BCAR3: variants seen among roughly 807,000 people sequenced by gnomAD.
BCAR3 encodes the protein breast cancer anti-estrogen resistance protein 3.
In BCAR3, 37 loss-of-function variants were observed where a neutral mutation model predicts 80.1. The ratio of observed to expected loss-of-function variants is 0.46; its 90% CI spans 0.36 to 0.61. BCAR3 has a LOEUF of 0.61. Among genes scored for constraint, BCAR3 ranks in the 20% least tolerant of loss-of-function variants. BCAR3 has a pLI of 0.00. For synonymous variants in BCAR3, 389 were observed against 418.9 expected (o/e 0.93, Z 0.87); for missense variants, 978 against 1,068.2 (o/e 0.92, Z 1.18).
chr1:93,668,947 G>A (rs981025421), intron 2 of BCAR3, among the ~76,000 whole-genome samples: 3 of 151,974 alleles, frequency 2.0e-5, no homozygotes, highest in African/African-American at 7.3e-5. Context: ...CCTGACCTCA[G>A]GTGATCCACC....
chr1:93,602,440 CAAT>C lies in BCAR3; in HGVS notation c.358-10050_358-10048del, dbSNP rs200599859. On this transcript the variant is annotated intron_variant, in intron 3 of 11. Transcript: ENST00000260502. Reference sequence around the variant, plus strand: ...CTGAGACCTGCATCATCACTGCCCCCAATAATGTTGTAAACATGTAAAGAAACT... The same window carrying C: ...CTGAGACCTGCATCATCACTGCCCCCAATGTTGTAAACATGTAAAGAAACT... 8.1e-3 allele frequency: 1,241 copies of C among 152,280 alleles called. 4 individuals carry two copies. Among genetic ancestry groups the C allele is most frequent in the Non-Finnish European group, 0.012 (812 of 68,040 alleles). The allele number at this position is 152,280 out of a possible 1,614,324, so 9.4% of individuals were successfully genotyped here.
rs111949900 is a variant in BCAR3 at position 93,651,221 on chromosome 1, A to G, written c.318-8878T>C. Among the ~76,000 whole-genome samples the G allele has an allele frequency of 1.1e-3, 165 of 152,298 alleles. 1 individual carries two copies. The highest frequency in any genetic ancestry group is 3.6e-3 in the African/African-American group (149 of 41,564). On this transcript the variant is annotated intron_variant, in intron 2 of 11. Transcript: ENST00000260502. ...ACAGCTTAGGACTTCTGTATGGAAG[A>G]AGGAGCAAATATTCCGTTTAGGCAC...
intron 2 of BCAR3, among the ~76,000 whole-genome samples, chr1:93,774,144 C>T (rs564691448): frequency 5.3e-5 from 8 of 152,232 alleles, no homozygotes; most frequent in Admixed American, 1.3e-4. Context: ...GGAGAAACTA[C>T]GTAAGCCAGC....
At position 93,675,498 on chromosome 1, in the gene BCAR3, G is replaced by A. The variant is rs1648429256; in HGVS notation, c.-11-557C>T. 2.0e-5 allele frequency among the ~76,000 whole-genome samples: 3 copies of A among 152,336 alleles called. No individual in the cohort carries two copies. In the South Asian group the frequency reaches 6.2e-4, roughly 32 times the overall value. ...CACTCTAATTAGTGAACACGGGCTA[G>A]GGTCAGGGTCAGGAGGTGGGCCATT... On this transcript the variant is annotated intron_variant, in intron 1 of 11. Transcript: ENST00000260502.
chr1:93,760,690 C>T (rs756145563), intron 2 of BCAR3, among the ~76,000 whole-genome samples: 2 of 152,150 alleles, frequency 1.3e-5, no homozygotes, highest in Non-Finnish European at 2.9e-5. Flanking sequence ...CAGCTCCACT[C>T]ATGGCCAGGC....
intron 3 of BCAR3, among the ~76,000 whole-genome samples, chr1:93,619,691 C>T (rs1675252243): frequency 6.6e-6 from 1 of 152,194 alleles, no homozygotes; most frequent in Non-Finnish European, 1.5e-5. Context: ...TCTGCGAGGC[C>T]CTCTGGAGGC....
At chr1:93,735,188 G>C (rs1056989490) in intron 2 of BCAR3, among the ~76,000 whole-genome samples, 10 of 152,330 alleles carry the variant, frequency 6.6e-5, no homozygotes, top group Admixed American at 6.5e-4. Context: ...CGGGCCTCTG[G>C]TGCCCCCTCT....
intron 2 of BCAR3, among the ~76,000 whole-genome samples, chr1:93,773,987 T>G (rs746103205): frequency 1.3e-5 from 2 of 152,170 alleles, no homozygotes; most frequent in Non-Finnish European, 2.9e-5. Flanking sequence ...AATGCTGTTA[T>G]TGAAACAACA....
At position 93,582,538 on chromosome 1, in the gene BCAR3, C is replaced by T. The variant is rs775111254; in HGVS notation, c.1449G>A (p.Arg483=). ...VNYLILDDDD[R]ERPWEPAAAQ... Reference sequence around the variant, plus strand: ...CTGCCGCAGGTTCCCAAGGTCTTTCCCTGTCATCATCATCAAGGATCAAGT... The same window carrying T: ...CTGCCGCAGGTTCCCAAGGTCTTTCTCTGTCATCATCATCAAGGATCAAGT... Residue 483 remains arginine, a synonymous_variant, in exon 7 of 12, where the codon AGG becomes AGA. Coordinates refer to ENST00000260502, the MANE Select transcript of BCAR3 (RefSeq NM_003567.4). 3.7e-6 allele frequency: 6 copies of T among 1,613,716 alleles called. No homozygotes were observed. In the East Asian group the frequency reaches 1.3e-4, roughly 36 times the overall value.
intron 3 of BCAR3, among the ~76,000 whole-genome samples, chr1:93,702,664 G>A (rs994778120): frequency 6.6e-6 from 1 of 152,220 alleles, no homozygotes; most frequent in African/African-American, 2.4e-5. Context: ...ATTAAGACAG[G>A]AGGTCAGATA....
chr1:93,719,088 C>G (rs934733185), intron 2 of BCAR3, among the ~76,000 whole-genome samples: 4 of 151,992 alleles, frequency 2.6e-5, no homozygotes, highest in Non-Finnish European at 5.9e-5. Context: ...AATAGAGTTG[C>G]AGGTTTATTA....
upstream of BCAR3, among the ~76,000 whole-genome samples, chr1:93,682,994 T>C (rs1190189071): frequency 1.3e-5 from 2 of 151,972 alleles, no homozygotes; most frequent in Non-Finnish European, 2.9e-5. Context: ...AAACTCATCA[T>C]TGGACAAGAT....
chr1:93,611,225 T>A (rs1208042857), intron 3 of BCAR3, among the ~76,000 whole-genome samples: 1 of 152,214 alleles, frequency 6.6e-6, no homozygotes, highest in Non-Finnish European at 1.5e-5. Context: ...CCTAATAATA[T>A]CCTTGTGGTA....
At chr1:93,710,215 G>A (rs1215377074) in intron 2 of BCAR3, among the ~76,000 whole-genome samples, 1 of 152,206 alleles carries the variant, frequency 6.6e-6, no homozygotes, top group Non-Finnish European at 1.5e-5. Flanking sequence ...CCCTGGACCT[G>A]TACCCCTTGT....
At position 93,592,104 on chromosome 1, in the gene BCAR3, T is replaced by G. The variant is rs1674228295; in HGVS notation, c.486+161A>C. On this transcript the variant is annotated intron_variant, in intron 4 of 11. Transcript: ENST00000260502. This position sits in a 1 kb window ranked among gnomAD's most constrained non-coding sequence, Gnocchi z 4.8. ...CTTGACCTCAGCTCTTCCCAAGGTC[T>G]TCTTAGAGAAGGGTCTAAATGAAGT... is the stretch of plus-strand genomic sequence containing the variant. 6 of 1,026,754 alleles carry G rather than the reference T, an allele frequency of 5.8e-6. 1 individual carries two copies. In the South Asian group the frequency reaches 6.8e-5, roughly 12 times the overall value. 63.6% of individuals were successfully genotyped at this position (1,026,754 alleles called of 1,614,324 possible).
chr1:93,764,982 C>T (rs10158125), intron 2 of BCAR3, among the ~76,000 whole-genome samples: 17,779 of 152,084 alleles, frequency 0.12, 1,453 homozygotes, highest in African/African-American at 0.22. Flanking sequence ...CTCGCTCTTA[C>T]GCCAGGCAGC....
chr1:93,763,344 A>G (rs10158448), intron 2 of BCAR3, among the ~76,000 whole-genome samples: 17,930 of 152,242 alleles, frequency 0.12, 1,499 homozygotes, highest in African/African-American at 0.22. Flanking sequence ...GATTATAGAC[A>G]TGAGCATTGC....
intron 2 of BCAR3, among the ~76,000 whole-genome samples, chr1:93,652,881 A>C (rs909504233): frequency 6.6e-6 from 1 of 152,272 alleles, no homozygotes; most frequent in African/African-American, 2.4e-5. Flanking sequence ...CTCTGGTTAA[A>C]TCATTCTTTC....
intron 2 of BCAR3, chr1:93,845,468 A>T (rs1271663435): frequency 5.8e-4 from 1 of 1,728 alleles, no homozygotes; most frequent in Non-Finnish European, 1.0e-3. Flanking sequence ...AATTTTATAT[A>T]TATATATATA....
Sources: gnomAD v4.1 joint callset for allele counts (sites outside exome capture counted in the v4.1 genomes callset) on GRCh38, gnomAD v4.1.1 for gene constraint, Gnocchi (gnomAD v3.1) non-coding constraint, MANE v1.5 for transcripts, NCBI Gene and HGNC (gene_info 2026-07-23, HGNC 2026-07-21) for gene names.